The following TESPA1 variants were observed in gnomAD, a reference collection of about 807,000 sequenced individuals.
TESPA1 encodes the protein thymocyte expressed, positive selection associated 1.
Under a neutral mutation model 57.9 loss-of-function variants are expected in TESPA1, and 33 were observed. The ratio of observed to expected loss-of-function variants is 0.57; its 90% CI spans 0.43 to 0.76. The LOEUF is 0.76. Among genes scored for constraint, TESPA1 ranks in the 30% least tolerant of loss-of-function variants. The pLI is 0.00. For missense variants in TESPA1, 618 were observed against 632.9 expected, an observed-to-expected ratio of 0.98 and a Z score of 0.25; for synonymous variants, 227 against 228.9, an observed-to-expected ratio of 0.99 and a Z score of 0.07.
intron 1 of TESPA1, among the ~76,000 whole-genome samples, chr12:54,976,671 A>G (rs1952150963): frequency 6.6e-6 from 1 of 152,186 alleles, no homozygotes; most frequent in Admixed American, 6.5e-5. Flanking sequence ...TGAAAACATT[A>G]TAGCCCTAAC....
chr12:54,963,552 G>A (rs911298191), intron 8 of TESPA1, among the ~76,000 whole-genome samples, 190 bp downstream of exon 8: 2 of 152,184 alleles, frequency 1.3e-5, no homozygotes, highest in African/African-American at 2.4e-5. Context: ...GTCTCTTAAA[G>A]GCTATTTCTT....
Position 54,962,916 on chromosome 12 carries a change from G to A in TESPA1, c.982C>T (p.Gln328Ter), listed in dbSNP as rs1022146508. The A allele has an allele frequency of 1.3e-4, 203 of 1,613,554 alleles. No homozygotes were observed. Among genetic ancestry groups the A allele is most frequent in the Non-Finnish European group, 1.6e-4 (186 of 1,179,826 alleles). The change falls in exon 9 of 11, where the codon CAG becomes TAG. Residue 328 changes from glutamine to a stop codon, truncating the protein, a stop_gained. Transcript: ENST00000449076. LOFTEE classifies it high-confidence loss of function. ...AAATCAGAGTCTTGCTGGAGGAACTGCTTCTCTTCTTTCACTTTGTCCATC... is the reference window on the plus strand; with the variant it reads ...AAATCAGAGTCTTGCTGGAGGAACTACTTCTCTTCTTTCACTTTGTCCATC... ...EVMDKVKEEK[Q>*]FLQQDSDLGQ...
chr12:54,984,167 C>T (rs145306721), intron 1 of TESPA1: 1 of 152,222 alleles, frequency 6.6e-6, no homozygotes, highest in African/African-American at 2.4e-5. Context: ...AGAGTAGGGC[C>T]TGAAATGAAA....
intron 3 of TESPA1, among the ~76,000 whole-genome samples, chr12:54,972,500 C>T (rs139979232): frequency 2.6e-4 from 39 of 152,300 alleles, no homozygotes; most frequent in Admixed American, 6.5e-4. Flanking sequence ...CTAGGCTTCT[C>T]ACCCAAACCT....
At chr12:54,958,736 G>A (rs1329272969) in intron 10 of TESPA1, among the ~76,000 whole-genome samples, 1 of 151,516 alleles carries the variant, frequency 6.6e-6, no homozygotes, top group Admixed American at 6.6e-5. Context: ...TTTCAGTTTT[G>A]GTGGTTTTTA....
chr12:54,952,195 T>G (rs994541896), intron 10 of TESPA1, among the ~76,000 whole-genome samples: 12 of 152,222 alleles, frequency 7.9e-5, no homozygotes, highest in Non-Finnish European at 1.5e-5. Flanking sequence ...TGATATCCTC[T>G]GCCATGTTAT....
chr12:54,976,209 G>A (rs1592420711), intron 1 of TESPA1, among the ~76,000 whole-genome samples: 1 of 152,158 alleles, frequency 6.6e-6, no homozygotes, highest in East Asian at 1.9e-4. Context: ...TTACTGACTT[G>A]GAAGACTTAC....
chr12:54,954,092 TC>T (rs1477482272), intron 10 of TESPA1, among the ~76,000 whole-genome samples: 7 of 152,070 alleles, frequency 4.6e-5, no homozygotes, highest in Non-Finnish European at 8.8e-5. Context: ...GCATAAAGGG[TC>T]AAGGCACACA....
chr12:54,967,113 A>G (rs761228418), intron 5 of TESPA1, 70 bp downstream of exon 5: 6 of 1,573,184 alleles, frequency 3.8e-6, no homozygotes, highest in Non-Finnish European at 5.2e-6. Flanking sequence ...TTGCACTTCC[A>G]TCCTATCCTG....
In TESPA1 at chr12:54,969,055, GTAGA is replaced by G. The variant is rs35641527; in HGVS notation, c.207-1167_207-1164del. Among the ~76,000 whole-genome samples, 16 of 129,830 alleles carry G rather than the reference GTAGA, an allele frequency of 1.2e-4. 1 individual carries two copies. Among genetic ancestry groups the G allele is most frequent in the Admixed American group, 3.4e-4 (4 of 11,688 alleles). The allele number at this position is 129,830 out of a possible 152,430, so 85.2% of individuals were successfully genotyped here. A position where few individuals can be genotyped will look rare whatever the true frequency, so the allele number is the denominator to read the frequency against. ...TATATATATATATATATGTGTGTGT[GTAGA>G]TAGATAGATATAGATATATCTTTTG... On this transcript the variant is annotated intron_variant, in intron 3 of 10. Transcript: ENST00000449076.
At chr12:54,964,093 G>T in intron 7 of TESPA1, 143 bp from the exon 8 acceptor site, 1 of 849,178 alleles carries the variant, frequency 1.2e-6, no homozygotes, top group Non-Finnish European at 1.8e-6. Context: ...TTTGAGAAAA[G>T]CTTTCACTTC....
chr12:54,958,023 A>G (rs553339742), intron 10 of TESPA1, among the ~76,000 whole-genome samples: 49 of 152,346 alleles, frequency 3.2e-4, no homozygotes, highest in African/African-American at 1.1e-3. Context: ...AATGGAATCT[A>G]GTTAGGTACT....
Position 54,963,102 on chromosome 12 carries a change from A to G in TESPA1, c.796T>C (p.Ser266Pro), listed in dbSNP as rs987267738. Residue 266 changes from serine to proline, a missense_variant, in exon 9 of 11, where the codon TCC becomes CCC. Physicochemically the swap from Ser to Pro is moderately conservative, Grantham distance 74 (BLOSUM62 -1). This residue lies in a region of TESPA1 where 409 missense variants were observed against 420.1 expected (regional missense o/e 0.97). Coordinates refer to ENST00000449076, the MANE Select transcript of TESPA1 (RefSeq NM_001136030.3). Reference sequence around the variant, plus strand: ...GGCTCTCGGGACAGAATCCTGATGGATGGCACATCAGTTGGATGGTTGCAA... The same window carrying G: ...GGCTCTCGGGACAGAATCCTGATGGGTGGCACATCAGTTGGATGGTTGCAA... ...WNCNHPTDVP[S>P]IRILSREPEP... 1.2e-6 allele frequency: 2 copies of G among 1,613,788 alleles called. No individual in the cohort carries two copies. The highest frequency in any genetic ancestry group is 1.3e-5 in the African/African-American group (1 of 74,900).
chr12:54,950,129 T>C lies in TESPA1; in HGVS notation c.*263A>G. 2.6e-6 allele frequency: 1 copy of C among 379,436 alleles called. No homozygotes were observed. Among genetic ancestry groups the C allele is most frequent in the Non-Finnish European group, 5.2e-6 (1 of 191,122 alleles). 23.5% of individuals were successfully genotyped at this position (379,436 alleles called of 1,614,324 possible). A position where few individuals can be genotyped will look rare whatever the true frequency, so the allele number is the denominator to read the frequency against. The stretch of plus-strand genomic sequence containing the variant: ...TACACACATAGTAGAGAAACCAGTG[T>C]ACAGAGAAATGAAGAGATGTGCCTA... On this transcript the variant is annotated 3_prime_UTR_variant, in exon 11 of 11. Transcript: ENST00000449076.
At chr12:54,975,449 A>G (rs1034618292) in intron 1 of TESPA1, among the ~76,000 whole-genome samples, 2 of 152,154 alleles carry the variant, frequency 1.3e-5, no homozygotes, top group Admixed American at 1.3e-4. Context: ...ACATTCAAAG[A>G]GGAACAGAGG....
At chr12:54,979,346 G>A (rs1437052515) in intron 1 of TESPA1, among the ~76,000 whole-genome samples, 1 of 152,178 alleles carries the variant, frequency 6.6e-6, no homozygotes, top group Admixed American at 6.5e-5. Flanking sequence ...TATGAGGATA[G>A]AAATATAAAG....
intron 3 of TESPA1, among the ~76,000 whole-genome samples, chr12:54,972,510 T>C (rs1252977953): frequency 6.6e-6 from 1 of 152,154 alleles, no homozygotes; most frequent in Non-Finnish European, 1.5e-5. Flanking sequence ...CACCCAAACC[T>C]GCAAACATGC....
rs757822296 is a variant in TESPA1, at chr12:54,963,103, T to TGGC, written c.792_794dup (p.Pro265dup). ...GCTCTCGGGACAGAATCCTGATGGA[T>TGGC]GGCACATCAGTTGGATGGTTGCAAT... is the stretch of plus-strand genomic sequence containing the variant. On this transcript the variant is annotated inframe_insertion, in exon 9 of 11. Coordinates refer to ENST00000449076, the MANE Select transcript of TESPA1 (RefSeq NM_001136030.3). 1 of 1,613,948 alleles carries TGGC rather than the reference T, an allele frequency of 6.2e-7. No individual in the cohort carries two copies. Among genetic ancestry groups the TGGC allele is most frequent in the South Asian group, 1.1e-5 (1 of 91,068 alleles).
At chr12:54,965,607 T>G (rs1951377482) in intron 7 of TESPA1, among the ~76,000 whole-genome samples, 3 of 152,210 alleles carry the variant, frequency 2.0e-5, no homozygotes, top group Admixed American at 2.0e-4. Flanking sequence ...GGCAGCTGGG[T>G]TGATTCCATG....
Sources: gnomAD v4.1 joint callset for allele counts (sites outside exome capture counted in the v4.1 genomes callset) on GRCh38, gnomAD v4.1.1 for gene constraint, gnomAD v4.1.1 regional missense constraint, MANE v1.5 for transcripts, NCBI Gene and HGNC (gene_info 2026-07-23, HGNC 2026-07-21) for gene names.